NKAIN3: variants seen among roughly 807,000 people sequenced by gnomAD.
NKAIN3 encodes sodium/potassium transporting ATPase interacting 3.
Under a neutral mutation model 30.2 loss-of-function variants are expected in NKAIN3, and 25 were observed. The ratio of observed to expected loss-of-function variants is 0.83; its 90% CI spans 0.60 to 1.16. The LOEUF (loss-of-function observed/expected upper bound fraction) is 1.16, where lower values mean the gene tolerates loss of function less well. Ranked by LOEUF, NKAIN3 falls within the 50% of genes most tolerant of loss-of-function variation. NKAIN3 has a pLI of 0.00. For missense variants in NKAIN3, 225 were observed against 254.1 expected, an observed-to-expected ratio of 0.89 and a Z score of 0.78; for synonymous variants, 91 against 89.6, an observed-to-expected ratio of 1.02 and a Z score of -0.09.
chr8:62,721,668 T>G (rs1259311894), intron 3 of NKAIN3, among the ~76,000 whole-genome samples: 1 of 152,134 alleles, frequency 6.6e-6, no homozygotes, highest in Non-Finnish European at 1.5e-5. Context: ...AAGAAAAAAA[T>G]ATGCATTCAT....
At chr8:62,890,316 T>C (rs1821264933) in intron 4 of NKAIN3, among the ~76,000 whole-genome samples, 1 of 152,250 alleles carries the variant, frequency 6.6e-6, no homozygotes, top group Admixed American at 6.5e-5. Context: ...TAAGCATTGA[T>C]AGCTCTGTCT....
chr8:62,720,867 C>T (rs1815067001), intron 3 of NKAIN3, among the ~76,000 whole-genome samples: 1 of 152,210 alleles, frequency 6.6e-6, no homozygotes, highest in South Asian at 2.1e-4. Flanking sequence ...GATATGTTTT[C>T]AGCACCCTTT....
intron 4 of NKAIN3, among the ~76,000 whole-genome samples, chr8:62,844,365 A>G (rs1819613677): frequency 6.6e-6 from 1 of 152,176 alleles, no homozygotes; most frequent in Non-Finnish European, 1.5e-5. Flanking sequence ...TATCTTGTGT[A>G]CACATGTCCA....
In NKAIN3 at chr8:62,919,905, A is replaced by AGTT. The variant is rs201753129; in HGVS notation, c.532+1393_532+1395dup. The stretch of plus-strand genomic sequence containing the variant: ...CATCATGTATTTAATGCTTACACAG[A>AGTT]GTTTTTTTTTTTTTTTAATGCTAGA... On this transcript the variant is annotated intron_variant, in intron 5 of 6. Transcript: ENST00000623646. Among the ~76,000 whole-genome samples the AGTT allele has an allele frequency of 6.0e-3, 342 of 57,074 alleles. No individual in the cohort carries two copies. The East Asian group carries it at 0.091, about 15-fold the overall frequency. 37.4% of individuals were successfully genotyped at this position (57,074 alleles called of 152,430 possible). A position where few individuals can be genotyped will look rare whatever the true frequency, so the allele number is the denominator to read the frequency against.
chr8:62,570,746 C>A (rs1356575036), intron 1 of NKAIN3, among the ~76,000 whole-genome samples: 2 of 152,032 alleles, frequency 1.3e-5, no homozygotes, highest in Non-Finnish European at 1.5e-5. Flanking sequence ...CTGGTCCCTC[C>A]AAATCTCATC....
At chr8:62,288,691 G>A (rs193217988) in intron 1 of NKAIN3, among the ~76,000 whole-genome samples, 110 of 152,192 alleles carry the variant, frequency 7.2e-4, no homozygotes, top group African/African-American at 2.3e-3. Flanking sequence ...GAATAGTGCC[G>A]CAATAAACAT....
intron 1 of NKAIN3, among the ~76,000 whole-genome samples, chr8:62,289,321 C>T (rs1813495684): frequency 6.6e-6 from 1 of 152,150 alleles, no homozygotes; most frequent in South Asian, 2.1e-4. Context: ...CTTGCCCATG[C>T]CTATGTCCTG....
chr8:62,696,023 A>G (rs1272796567), intron 3 of NKAIN3, among the ~76,000 whole-genome samples: 5 of 152,204 alleles, frequency 3.3e-5, no homozygotes, highest in African/African-American at 4.8e-5. Flanking sequence ...ATATATAAAA[A>G]CGCAAAAATA....
At chr8:62,489,338 A>G (rs1465928714) in intron 1 of NKAIN3, among the ~76,000 whole-genome samples, 2 of 152,174 alleles carry the variant, frequency 1.3e-5, no homozygotes, top group African/African-American at 4.8e-5. Flanking sequence ...TAAGTCTTAA[A>G]GTGCAATCAT....
At chr8:62,256,264 A>T (rs533427362) in intron 1 of NKAIN3, among the ~76,000 whole-genome samples, 157 of 151,910 alleles carry the variant, frequency 1.0e-3, no homozygotes, top group East Asian at 2.7e-3. Flanking sequence ...AAAAAATTTA[A>T]AAAAAAATAA....
chr8:62,502,436 G>A (rs983019887), intron 1 of NKAIN3, among the ~76,000 whole-genome samples: 1 of 151,964 alleles, frequency 6.6e-6, no homozygotes, highest in Non-Finnish European at 1.5e-5. Context: ...CCCTTTCCCA[G>A]CCCTCACACT....
chr8:62,514,461 C>T (rs1807919491), intron 1 of NKAIN3, among the ~76,000 whole-genome samples: 1 of 151,970 alleles, frequency 6.6e-6, no homozygotes, highest in Non-Finnish European at 1.5e-5. Context: ...GTAACTGAAA[C>T]AGTAATTGTA....
downstream of NKAIN3, among the ~76,000 whole-genome samples, chr8:62,985,611 C>A (rs1004110810): frequency 6.6e-6 from 1 of 152,200 alleles, no homozygotes; most frequent in African/African-American, 2.4e-5. Context: ...ACACTTTATT[C>A]TTTACATTAT....
chr8:62,550,387 A>T (rs1809162668), intron 1 of NKAIN3, among the ~76,000 whole-genome samples: 1 of 152,084 alleles, frequency 6.6e-6, no homozygotes, highest in Non-Finnish European at 1.5e-5. Context: ...GAACGTAATG[A>T]TTTCTATGGG....
intron 4 of NKAIN3, among the ~76,000 whole-genome samples, chr8:62,882,852 T>G (rs1821028019): frequency 6.6e-6 from 1 of 152,192 alleles, no homozygotes; most frequent in South Asian, 2.1e-4. Context: ...CAAAGATCAG[T>G]TGACTATACT....
At chr8:62,724,550 A>G (rs546400834) in intron 3 of NKAIN3, among the ~76,000 whole-genome samples, 6 of 152,234 alleles carry the variant, frequency 3.9e-5, no homozygotes, top group African/African-American at 1.4e-4. Context: ...CCAGCCTCTG[A>G]TAACTATCAT....
chr8:62,401,019 C>T (rs1188150887), intron 1 of NKAIN3, among the ~76,000 whole-genome samples: 1 of 147,922 alleles, frequency 6.8e-6, no homozygotes, highest in African/African-American at 2.5e-5. Flanking sequence ...ACCTTTCTCT[C>T]ACTCTCTCTC....
intron 3 of NKAIN3, among the ~76,000 whole-genome samples, chr8:62,741,031 A>G (rs1049513713): frequency 1.0e-3 from 152 of 151,768 alleles, no homozygotes; most frequent in Non-Finnish European, 1.8e-3. Context: ...TTTATGAAAA[A>G]AAAAAAAAAC....
At chr8:62,399,633 A>C (rs1283659091) in intron 1 of NKAIN3, among the ~76,000 whole-genome samples, 1 of 152,206 alleles carries the variant, frequency 6.6e-6, no homozygotes, top group Admixed American at 6.5e-5. Flanking sequence ...ATAAATGACT[A>C]TGTGATCTCT....
Sources: gnomAD v4.1 joint callset for allele counts (sites outside exome capture counted in the v4.1 genomes callset) on GRCh38, gnomAD v4.1.1 for gene constraint, MANE v1.5 for transcripts, NCBI Gene and HGNC (gene_info 2026-07-23, HGNC 2026-07-21) for gene names.